Variants in FSHR observed in about 807,000 individuals in gnomAD.
FSHR encodes the protein follicle-stimulating hormone receptor.
A neutral mutation model predicts 52.1 loss-of-function variants in FSHR; 46 were observed. The observed-to-expected ratio is 0.88, with a 90% confidence interval of 0.70 to 1.13. The LOEUF (loss-of-function observed/expected upper bound fraction) is 1.13, where lower values mean the gene tolerates loss of function less well. Ranked by LOEUF, FSHR falls within the 50% of genes most tolerant of loss-of-function variation. The pLI is 0.00. For synonymous variants in FSHR, 399 were observed against 309.6 expected (o/e 1.29, Z -3.03); for missense variants, 964 against 834.6 (o/e 1.16, Z -1.91).
chr2:49,013,815 A>T (rs1325717303), intron 4 of FSHR, among the ~76,000 whole-genome samples: 2 of 151,998 alleles, frequency 1.3e-5, no homozygotes, highest in Non-Finnish European at 2.9e-5. Flanking sequence ...CCTAACCCTC[A>T]ATGTGATGAT....
At chr2:48,991,100 G>C (rs143458203) in intron 4 of FSHR, among the ~76,000 whole-genome samples, 1 of 151,964 alleles carries the variant, frequency 6.6e-6, no homozygotes, top group Non-Finnish European at 1.5e-5. Flanking sequence ...GGGCCAATCA[G>C]ACTCTCTCCT....
intron 3 of FSHR, among the ~76,000 whole-genome samples, chr2:49,019,617 CAT>C (rs1379673146): frequency 6.6e-6 from 1 of 152,204 alleles, no homozygotes. Context: ...AATCCTATGA[CAT>C]ATGTAATTTT....
intron 1 of FSHR, among the ~76,000 whole-genome samples, chr2:49,074,355 G>A (rs1669869460): frequency 6.6e-6 from 1 of 151,960 alleles, no homozygotes; most frequent in Non-Finnish European, 1.5e-5. Context: ...CAAAAAAGTT[G>A]ATTAAGAAAA....
At chr2:49,035,839 AC>A (rs1217915739) in intron 2 of FSHR, among the ~76,000 whole-genome samples, 2 of 152,194 alleles carry the variant, frequency 1.3e-5, no homozygotes, top group African/African-American at 2.4e-5. Flanking sequence ...AATTTCAAGC[AC>A]TCTGAGAAGC....
chr2:49,001,619 CA>C (rs1666886836), intron 4 of FSHR, among the ~76,000 whole-genome samples: 1 of 152,166 alleles, frequency 6.6e-6, no homozygotes, highest in Non-Finnish European at 1.5e-5. Flanking sequence ...ACCCTTCCCA[CA>C]ACTCATTTCT....
chr2:49,126,278 G>A (rs555802472), intron 1 of FSHR, among the ~76,000 whole-genome samples: 114 of 151,692 alleles, frequency 7.5e-4, no homozygotes, highest in African/African-American at 2.5e-3. Flanking sequence ...CATGGGGGAG[G>A]GTGGAAAGGC....
At chr2:49,026,649 G>A (rs1009897918) in intron 2 of FSHR, among the ~76,000 whole-genome samples, 4 of 152,320 alleles carry the variant, frequency 2.6e-5, no homozygotes, top group Admixed American at 1.3e-4. Flanking sequence ...TTAGGCATAC[G>A]CATGAAAAGT....
intron 1 of FSHR, among the ~76,000 whole-genome samples, chr2:49,117,727 C>T (rs745408888): frequency 1.2e-4 from 18 of 152,168 alleles, no homozygotes; most frequent in African/African-American, 3.4e-4. Context: ...ACTCCTGCCT[C>T]GCTTTCCGTT....
At chr2:49,108,451 G>A (rs754200223) in intron 1 of FSHR, among the ~76,000 whole-genome samples, 11 of 152,044 alleles carry the variant, frequency 7.2e-5, no homozygotes, top group Non-Finnish European at 1.3e-4. Flanking sequence ...TGTCTCTAGC[G>A]TGTCTTTTGC....
intron 1 of FSHR, among the ~76,000 whole-genome samples, chr2:49,141,070 G>C (rs1457166733): frequency 6.6e-6 from 1 of 152,100 alleles, no homozygotes; most frequent in Non-Finnish European, 1.5e-5. Context: ...TCTATAGATA[G>C]GCATACATAT....
At chr2:49,076,294 C>A (rs1449040742) in intron 1 of FSHR, among the ~76,000 whole-genome samples, 1 of 152,186 alleles carries the variant, frequency 6.6e-6, no homozygotes, top group Non-Finnish European at 1.5e-5. Flanking sequence ...GCCTCACAAT[C>A]ATGACAGAAG....
At chr2:49,021,863 C>CTATATATATATA (rs1224896244) in intron 2 of FSHR, among the ~76,000 whole-genome samples, 2 of 49,870 alleles carry the variant, frequency 4.0e-5, no homozygotes, top group Non-Finnish European at 7.4e-5. Flanking sequence ...CTCTCTCTCT[C>CTATATATATATA]TATATATATA....
At chr2:48,966,636 A>G (rs1258448826) in intron 9 of FSHR, among the ~76,000 whole-genome samples, 2 of 152,212 alleles carry the variant, frequency 1.3e-5, no homozygotes, top group Non-Finnish European at 2.9e-5. Context: ...ACCAAACCAC[A>G]TCTACTATGA....
At chr2:49,028,206 A>T (rs938502373) in intron 2 of FSHR, among the ~76,000 whole-genome samples, 14 of 152,234 alleles carry the variant, frequency 9.2e-5, no homozygotes, top group African/African-American at 2.7e-4. Context: ...TGTGTAACTC[A>T]AGGCTGCAGG....
chr2:49,075,257 C>G (rs1273746711), intron 1 of FSHR, among the ~76,000 whole-genome samples: 1 of 152,136 alleles, frequency 6.6e-6, no homozygotes, highest in African/African-American at 2.4e-5. Context: ...TCTGATCACT[C>G]TGTTCTGATG....
intron 2 of FSHR, among the ~76,000 whole-genome samples, chr2:49,041,646 T>C (rs1324244135): frequency 6.6e-6 from 1 of 152,130 alleles, no homozygotes; most frequent in East Asian, 1.9e-4. Context: ...CTTTCAATTC[T>C]GGAATTGGAA....
intron 8 of FSHR, among the ~76,000 whole-genome samples, chr2:48,974,636 C>G (rs965997051): frequency 9.9e-5 from 15 of 152,278 alleles, no homozygotes; most frequent in African/African-American, 3.4e-4. Flanking sequence ...TTACTTAAAG[C>G]TTACTGTCTG....
intron 1 of FSHR, among the ~76,000 whole-genome samples, chr2:49,099,863 G>A (rs1670963193): frequency 6.6e-6 from 1 of 152,108 alleles, no homozygotes; most frequent in South Asian, 2.1e-4. Context: ...CCAGAACTGT[G>A]AGAGAATACA....
rs1399447963 is a variant in FSHR at position 49,098,192 on chromosome 2, C to CT, written c.153-29903dup. Among the ~76,000 whole-genome samples, 9 of 152,166 alleles carry CT rather than the reference C, an allele frequency of 5.9e-5. No individual in the cohort carries two copies. The East Asian group carries it at 1.7e-3, about 29-fold the overall frequency. On this transcript the variant is annotated intron_variant, in intron 1 of 9. Transcript: ENST00000406846. Reference sequence around the variant, plus strand: ...AAATTTAAATTTGTAATTGGGTGTACTTTTTTTATTTGCTAAATCTGGCAA... The same window carrying CT: ...AAATTTAAATTTGTAATTGGGTGTACTTTTTTTTATTTGCTAAATCTGGCAA...
Sources: gnomAD v4.1 joint callset for allele counts (sites outside exome capture counted in the v4.1 genomes callset) on GRCh38, gnomAD v4.1.1 for gene constraint, MANE v1.5 for transcripts, NCBI Gene and HGNC (gene_info 2026-07-23, HGNC 2026-07-21) for gene names.